TSEN2: variants seen among roughly 807,000 people sequenced by gnomAD.
TSEN2 encodes tRNA-splicing endonuclease subunit Sen2.
TSEN2 carries 54 observed loss-of-function variants against 59.2 expected under a neutral mutation model. The ratio of observed to expected loss-of-function variants is 0.91; its 90% confidence interval spans 0.73 to 1.14. TSEN2 has a LOEUF of 1.14. Among genes scored for constraint, TSEN2 ranks in the 50% most tolerant of loss-of-function variants. TSEN2 has a pLI of 0.00. For missense variants in TSEN2, 636 were observed against 576.2 expected, an observed-to-expected ratio of 1.10 and a Z score of -1.06; for synonymous variants, 195 against 198.2, an observed-to-expected ratio of 0.98 and a Z score of 0.14.
intron 8 of TSEN2, among the ~76,000 whole-genome samples, chr3:12,526,724 C>T (rs2057114743): frequency 6.6e-6 from 1 of 152,196 alleles, no homozygotes; most frequent in Admixed American, 6.5e-5. Context: ...AGGAAATTGA[C>T]ATAAAGAGTT....
intron 6 of TSEN2, among the ~76,000 whole-genome samples, chr3:12,515,182 C>T (rs1393201347): frequency 6.6e-6 from 1 of 152,170 alleles, no homozygotes; most frequent in East Asian, 1.9e-4. Context: ...CAGAGAATGA[C>T]AGGGTATTCA....
intron 2 of TSEN2, among the ~76,000 whole-genome samples, chr3:12,491,141 C>T (rs948481478): frequency 6.6e-6 from 1 of 152,078 alleles, no homozygotes; most frequent in Non-Finnish European, 1.5e-5. Flanking sequence ...CAGGCGCATG[C>T]CACCATGCCT....
intron 6 of TSEN2, among the ~76,000 whole-genome samples, chr3:12,510,237 G>A (rs757584000): frequency 1.2e-4 from 19 of 152,140 alleles, no homozygotes; most frequent in Non-Finnish European, 2.6e-4. Context: ...TGTGCGCAGT[G>A]CGAAGACCTT....
At chr3:12,507,321 C>T (rs1196476740) in intron 6 of TSEN2, among the ~76,000 whole-genome samples, 1 of 152,202 alleles carries the variant, frequency 6.6e-6, no homozygotes, top group Non-Finnish European at 1.5e-5. Context: ...GTAGGCATTC[C>T]CAGCACTGTG....
At chr3:12,508,016 A>G (rs1379909203) in intron 6 of TSEN2, among the ~76,000 whole-genome samples, 2 of 152,178 alleles carry the variant, frequency 1.3e-5, no homozygotes, top group African/African-American at 2.4e-5. Context: ...TCCATGAGTC[A>G]GGGTCTGGCC....
chr3:12,527,091 T>C (rs968169098), intron 8 of TSEN2, among the ~76,000 whole-genome samples: 3 of 152,240 alleles, frequency 2.0e-5, no homozygotes, highest in African/African-American at 7.2e-5. Context: ...TTCCAGTACA[T>C]GGTTTCTTTC....
At chr3:12,487,555 T>TATTATAAAAGTGAAAAATCCC (rs1481957891) in intron 1 of TSEN2, among the ~76,000 whole-genome samples, 2 of 152,164 alleles carry the variant, frequency 1.3e-5, no homozygotes. Context: ...GAGCAGAGGT[T>TATTATAAAAGTGAAAAATCCC]ATAAAAGTGA....
rs1370617649 is a variant in TSEN2 at position 12,532,973 on chromosome 3, G to C, written c.*252G>C. On this transcript the variant is annotated 3_prime_UTR_variant, in exon 12 of 12. Transcript: ENST00000284995. ...CCAGAGCCTCCTGCCTCTGGCGTCA[G>C]TCTTTTCCCTCATCCACTCACTGGG... The C allele has an allele frequency of 1.8e-6, 1 of 557,496 alleles. No homozygotes were observed. Among genetic ancestry groups the C allele is most frequent in the African/African-American group, 1.9e-5 (1 of 52,886 alleles). 34.5% of individuals were successfully genotyped at this position (557,496 alleles called of 1,614,324 possible).
rs546904336 is a variant in TSEN2 at position 12,523,526 on chromosome 3, C to CTTTT, written c.1099+4351_1099+4354dup. 3.0e-3 allele frequency among the ~76,000 whole-genome samples: 138 copies of CTTTT among 46,476 alleles called. 4 individuals are homozygous for CTTTT. Among genetic ancestry groups the CTTTT allele is most frequent in the African/African-American group, 5.4e-3 (68 of 12,664 alleles). 30.5% of individuals were successfully genotyped at this position (46,476 alleles called of 152,430 possible). A position where few individuals can be genotyped will look rare whatever the true frequency, so the allele number is the denominator to read the frequency against. ...CTTCTCCTCATCTTCCTCTTTGATT[C>CTTTT]TTTTTTTTTTTTTTTTTTTTTTTTT... On this transcript the variant is annotated intron_variant, in intron 8 of 11. Transcript: ENST00000284995.
chr3:12,520,199 C>A (rs6769603), intron 8 of TSEN2, among the ~76,000 whole-genome samples: 1 of 152,208 alleles, frequency 6.6e-6, no homozygotes, highest in East Asian at 1.9e-4. Context: ...AAGGTTTCCC[C>A]GTGCCAGCCA....
chr3:12,522,291 A>G (rs965582415), intron 8 of TSEN2, among the ~76,000 whole-genome samples: 4 of 152,222 alleles, frequency 2.6e-5, no homozygotes, highest in Non-Finnish European at 4.4e-5. Flanking sequence ...TGAAAACAAA[A>G]AAGATAAACT....
intron 4 of TSEN2, 150 bp from the exon 5 acceptor site, chr3:12,503,112 A>G: frequency 1.2e-6 from 1 of 861,084 alleles, no homozygotes; most frequent in Admixed American, 2.5e-5. Flanking sequence ...AGAAAAGTAT[A>G]AAGAAGAAAA....
upstream of TSEN2, among the ~76,000 whole-genome samples, chr3:12,484,158 C>T (rs1575182391): frequency 1.3e-5 from 2 of 152,260 alleles, no homozygotes; most frequent in Non-Finnish European, 1.5e-5. Context: ...CCTCAAACAT[C>T]CCATCCACCG....
intron 2 of TSEN2, among the ~76,000 whole-genome samples, chr3:12,490,716 A>G (rs1003673274): frequency 1.3e-5 from 2 of 152,200 alleles, no homozygotes; most frequent in Non-Finnish European, 2.9e-5. Flanking sequence ...GAACATTCCC[A>G]TCACCACAGA....
rs1362271277 is a variant in TSEN2, at chr3:12,484,498, AGCGCGTGGG to A, written c.-397_-389del. On this transcript the variant is annotated 5_prime_UTR_variant, in exon 1 of 12. Transcript: ENST00000284995. Reference sequence around the variant, plus strand: ...GGCCGGCGTTGCCGGGGTAACGGCGAGCGCGTGGGGCCAAGAAAGGTAAGGGCCCTGGGC... The same window carrying A: ...GGCCGGCGTTGCCGGGGTAACGGCGAGCCAAGAAAGGTAAGGGCCCTGGGC... 121 of 152,374 alleles carry A rather than the reference AGCGCGTGGG, an allele frequency of 7.9e-4. No individual in the cohort carries two copies. Among genetic ancestry groups the A allele is most frequent in the African/African-American group, 2.7e-3 (113 of 41,578 alleles). The allele number at this position is 152,374 out of a possible 1,614,324, so 9.4% of individuals were successfully genotyped here.
In TSEN2 at chr3:12,519,281, TTGA is replaced by T. The variant is rs769334629; in HGVS notation, c.1099+90_1099+92del. On this transcript the variant is annotated intron_variant, in intron 8 of 11. Coordinates refer to ENST00000284995, the MANE Select transcript of TSEN2 (RefSeq NM_025265.4). ...AATATCAAATTGATCTTGTGTGCTGTTGATGATGTTTTCTAAGAAGGTATCCTT... is the reference window on the plus strand; with the variant it reads ...AATATCAAATTGATCTTGTGTGCTGTTGATGTTTTCTAAGAAGGTATCCTT... 6.3e-5 allele frequency: 98 copies of T among 1,558,552 alleles called. 1 individual carries two copies. The highest frequency in any genetic ancestry group is 4.9e-4 in the East Asian group (22 of 44,646).
intron 8 of TSEN2, among the ~76,000 whole-genome samples, chr3:12,523,325 G>A (rs939830480): frequency 4.6e-5 from 7 of 152,042 alleles, no homozygotes; most frequent in Non-Finnish European, 8.8e-5. Context: ...CCAATTTGAA[G>A]TCCCAGCACA....
chr3:12,494,544 G>T (rs2053548339), intron 3 of TSEN2, among the ~76,000 whole-genome samples: 1 of 151,930 alleles, frequency 6.6e-6, no homozygotes, highest in East Asian at 2.0e-4. Context: ...GGGATTACAG[G>T]TGTATCCCAC....
In TSEN2 at chr3:12,509,191, GGTTTTTT is replaced by G. The variant is rs1280399016; in HGVS notation, c.909+3961_909+3967del. ...GCTGTCAACTTTGGGGGTTTTTTTT[GGTTTTTT>G]TTGTTGTTGTTTTTTTTTTTGAGAC... On this transcript the variant is annotated intron_variant, in intron 6 of 11. Coordinates refer to ENST00000284995, the MANE Select transcript of TSEN2 (RefSeq NM_025265.4). Among the ~76,000 whole-genome samples, 11 of 139,056 alleles carry G rather than the reference GGTTTTTT, an allele frequency of 7.9e-5. No individual in the cohort carries two copies. In the East Asian group the frequency reaches 1.4e-3, roughly 18 times the overall value. The allele number at this position is 139,056 out of a possible 152,430, so 91.2% of individuals were successfully genotyped here.
Sources: allele counts gnomAD v4.1 joint callset (sites outside exome capture counted in the v4.1 genomes callset), GRCh38; gene constraint gnomAD v4.1.1; transcripts MANE v1.5; gene names NCBI Gene and HGNC (gene_info 2026-07-23, HGNC 2026-07-21).